Variants in FAM13A observed in about 807,000 individuals in gnomAD.
The protein encoded by FAM13A is family with sequence similarity 13 member A, also known as protein FAM13A.
In FAM13A, 76 loss-of-function variants were observed where a neutral mutation model predicts 129.6. The observed-to-expected ratio is 0.59, with a 90% confidence interval of 0.49 to 0.71. FAM13A has a LOEUF of 0.71. Ranked by LOEUF, FAM13A falls within the 30% of genes least tolerant of loss-of-function variation. FAM13A has a pLI of 0.00. For missense variants in FAM13A, 1,108 were observed against 1,249.3 expected (o/e 0.89, Z 1.70); for synonymous variants, 443 against 449.9 (o/e 0.98, Z 0.20).
At chr4:88,869,351 G>C (rs189334992) in intron 6 of FAM13A, among the ~76,000 whole-genome samples, 4 of 152,186 alleles carry the variant, frequency 2.6e-5, no homozygotes, top group Admixed American at 6.5e-5. Flanking sequence ...CAAACTCTTG[G>C]CAGGCTTTCT....
At chr4:88,961,363 T>C (rs1206960748) in intron 4 of FAM13A, among the ~76,000 whole-genome samples, 36 of 61,084 alleles carry the variant, frequency 5.9e-4, no homozygotes, top group Non-Finnish European at 1.1e-3. Context: ...TTTTTTTTTT[T>C]TTTTTTTTTT....
At chr4:88,904,489 C>G (rs944196524) in intron 6 of FAM13A, among the ~76,000 whole-genome samples, 8 of 152,080 alleles carry the variant, frequency 5.3e-5, no homozygotes, top group African/African-American at 1.9e-4. Context: ...AGCTGGAAAC[C>G]GTTATTCTCA....
intron 3 of FAM13A, among the ~76,000 whole-genome samples, chr4:89,018,392 C>T (rs1027664997): frequency 1.4e-4 from 21 of 152,218 alleles, no homozygotes; most frequent in African/African-American, 5.1e-4. Flanking sequence ...TGATCTTGGA[C>T]TTGCAGCCTC....
At chr4:88,970,553 TA>T (rs1759941553) in intron 4 of FAM13A, among the ~76,000 whole-genome samples, 2 of 151,640 alleles carry the variant, frequency 1.3e-5, no homozygotes, top group South Asian at 4.1e-4. Flanking sequence ...ACATATCTGA[TA>T]TATCTATATT....
chr4:88,761,082 A>G (rs913275771), intron 13 of FAM13A, among the ~76,000 whole-genome samples: 2 of 152,184 alleles, frequency 1.3e-5, no homozygotes, highest in Non-Finnish European at 2.9e-5. Flanking sequence ...CTGGGTTTGA[A>G]GCGTGGCTCT....
intron 19 of FAM13A, 101 bp downstream of exon 19, chr4:88,746,831 G>T: frequency 1.3e-6 from 1 of 773,224 alleles, no homozygotes. Context: ...AGTAAAGCAA[G>T]CAAACATTAG....
chr4:88,899,892 C>T (rs924537992), intron 6 of FAM13A, among the ~76,000 whole-genome samples: 1 of 151,998 alleles, frequency 6.6e-6, no homozygotes, highest in African/African-American at 2.4e-5. Flanking sequence ...CATAATAAAA[C>T]AATATAGGAG....
intron 7 of FAM13A, among the ~76,000 whole-genome samples, chr4:88,820,547 AG>A (rs1731694726): frequency 1.3e-5 from 2 of 152,220 alleles, no homozygotes; most frequent in Non-Finnish European, 2.9e-5. Flanking sequence ...TCCTCACATA[AG>A]GTCAGATATT....
At chr4:88,887,252 C>A (rs1362789812) in intron 6 of FAM13A, among the ~76,000 whole-genome samples, 5 of 152,002 alleles carry the variant, frequency 3.3e-5, no homozygotes, top group African/African-American at 1.2e-4. Context: ...GTTCATGTAA[C>A]CAAACACCAC....
intron 6 of FAM13A, among the ~76,000 whole-genome samples, chr4:88,884,395 G>A (rs1203231811): frequency 6.6e-6 from 1 of 151,986 alleles, no homozygotes; most frequent in Admixed American, 6.6e-5. Context: ...ATTAAAACCA[G>A]AAATCACATG....
intron 6 of FAM13A, among the ~76,000 whole-genome samples, chr4:88,852,232 G>C (rs1327512709): frequency 6.6e-6 from 1 of 151,466 alleles, no homozygotes; most frequent in Non-Finnish European, 1.5e-5. Flanking sequence ...CGTGATCTTG[G>C]CTTACTGCAA....
At position 88,805,009 on chromosome 4, in the gene FAM13A, A is replaced by G. The variant is rs775783640; in HGVS notation, c.1049+2T>C. On this transcript the variant is annotated splice_donor_variant, in intron 8 of 23. Coordinates refer to ENST00000264344, the MANE Select transcript of FAM13A (RefSeq NM_014883.4). LOFTEE classifies it high-confidence loss of function. ...GTAGACCAACAAAAATCAAATAAAT[A>G]CCTCAAATAGAAAGGTGACAGAGGT... The G allele has an allele frequency of 6.5e-7, 1 of 1,548,268 alleles. No individual in the cohort carries two copies. The highest frequency in any genetic ancestry group is 8.9e-7 in the Non-Finnish European group (1 of 1,123,350).
At chr4:88,880,366 G>A (rs753558099) in intron 6 of FAM13A, among the ~76,000 whole-genome samples, 6 of 152,182 alleles carry the variant, frequency 3.9e-5, no homozygotes, top group Admixed American at 1.3e-4. Context: ...CTTACCTGGA[G>A]CTGAGACAAA....
intron 1 of FAM13A, among the ~76,000 whole-genome samples, chr4:89,046,910 AT>A (rs1193649749): frequency 2.0e-5 from 3 of 152,096 alleles, no homozygotes; most frequent in South Asian, 4.2e-4. Flanking sequence ...ATAAAAATAA[AT>A]TTTTTTAAGT....
intron 10 of FAM13A, among the ~76,000 whole-genome samples, chr4:88,781,595 T>G (rs1032950769): frequency 1.1e-4 from 17 of 152,070 alleles, no homozygotes; most frequent in Admixed American, 1.1e-3. Context: ...ATGGACAGCT[T>G]TTGTATTTTA....
rs1736619540 is a variant in FAM13A, at chr4:88,727,140, G to A, written c.*1393C>T. Reference sequence around the variant, plus strand: ...GGTGCCTCTGCTGTGTGTTCATACTGTAACACGTCGTCTAAGGCAGAGCTC... The same window carrying A: ...GGTGCCTCTGCTGTGTGTTCATACTATAACACGTCGTCTAAGGCAGAGCTC... On this transcript the variant is annotated 3_prime_UTR_variant, in exon 24 of 24. Transcript: ENST00000264344. 1 of 152,490 alleles carries A rather than the reference G, an allele frequency of 6.6e-6. No homozygotes were observed. Among genetic ancestry groups the A allele is most frequent in the African/African-American group, 2.4e-5 (1 of 41,450 alleles). 9.4% of individuals were successfully genotyped at this position (152,490 alleles called of 1,614,324 possible).
intron 7 of FAM13A, among the ~76,000 whole-genome samples, chr4:88,817,272 T>A (rs551692887): frequency 1.3e-5 from 2 of 152,176 alleles, no homozygotes; most frequent in African/African-American, 4.8e-5. Context: ...GTTAAAAAAT[T>A]ATTTCTATAG....
intron 6 of FAM13A, among the ~76,000 whole-genome samples, chr4:88,901,636 G>A (rs1046370436): frequency 9.2e-5 from 14 of 151,860 alleles, no homozygotes; most frequent in African/African-American, 3.4e-4. Flanking sequence ...CTCAGCTAAA[G>A]CAGTGGTAAG....
chr4:88,735,020 C>T (rs1738689744), intron 21 of FAM13A, among the ~76,000 whole-genome samples: 1 of 152,264 alleles, frequency 6.6e-6, no homozygotes, highest in African/African-American at 2.4e-5. Context: ...GGTGTGTGTG[C>T]ACACAGCAGA....
Sources: allele counts gnomAD v4.1 joint callset (sites outside exome capture counted in the v4.1 genomes callset), GRCh38; gene constraint gnomAD v4.1.1; transcripts MANE v1.5; gene names NCBI Gene and HGNC (gene_info 2026-07-23, HGNC 2026-07-21).